The following MAP3K3 variants were observed in gnomAD, a reference collection of about 807,000 sequenced individuals.
MAP3K3 encodes mitogen-activated protein kinase kinase kinase 3.
A neutral mutation model predicts 80.9 loss-of-function variants in MAP3K3; 12 were observed. That is an observed-to-expected ratio of 0.15 (90% confidence interval 0.10 to 0.24). MAP3K3 has a LOEUF of 0.24. Ranked by LOEUF, MAP3K3 falls within the 10% of genes least tolerant of loss-of-function variation. MAP3K3 has a pLI of 1.00. For missense variants in MAP3K3, 596 were observed against 834.7 expected, an observed-to-expected ratio of 0.71 and a Z score of 3.52; for synonymous variants, 272 against 307.1, an observed-to-expected ratio of 0.89 and a Z score of 1.19.
At chr17:63,670,831 G>A (rs766621380) in intron 6 of MAP3K3, among the ~76,000 whole-genome samples, 1 of 152,114 alleles carries the variant, frequency 6.6e-6, no homozygotes, top group African/African-American at 2.4e-5. Context: ...AGAGCTGGGA[G>A]CAAGGGGAAG....
In MAP3K3 at chr17:63,688,547, G is replaced by A. The variant is rs769629755; in HGVS notation, c.731G>A (p.Arg244Gln). 4.0e-5 allele frequency: 64 copies of A among 1,614,000 alleles called. No individual in the cohort carries two copies. The South Asian group carries it at 5.7e-4, about 14-fold the overall frequency. The change falls in exon 9 of 16, where the codon CGA (arginine) becomes CAA (glutamine). Residue 244 changes from arginine (R) to glutamine (Q), a missense_variant. Coordinates refer to ENST00000361733, the MANE Select transcript of MAP3K3 (RefSeq NM_002401.5). ...SADSPSFRKS[R>Q]MSRAQSFPDN... Reference sequence around the variant, plus strand: ...TCCAGCCCATCCTTCCGGAAATCACGAATGTCCCGTGCCCAGAGCTTCCCT... The same window carrying A: ...TCCAGCCCATCCTTCCGGAAATCACAAATGTCCCGTGCCCAGAGCTTCCCT...
intron 2 of MAP3K3, among the ~76,000 whole-genome samples, chr17:63,642,276 G>C (rs536527857): frequency 1.3e-5 from 2 of 152,304 alleles, no homozygotes; most frequent in East Asian, 3.9e-4. Flanking sequence ...GTAGAGCAGT[G>C]CTTAGGTTAT....
intron 2 of MAP3K3, among the ~76,000 whole-genome samples, chr17:63,638,077 A>T (rs565976279): frequency 2.0e-5 from 3 of 152,194 alleles, no homozygotes; most frequent in African/African-American, 7.2e-5. Flanking sequence ...TGTTGATAAG[A>T]TGGGCTGGCC....
intron 6 of MAP3K3, among the ~76,000 whole-genome samples, chr17:63,675,744 C>T (rs112458904): frequency 3.3e-5 from 5 of 152,306 alleles, no homozygotes; most frequent in African/African-American, 1.2e-4. Context: ...ACAGGTGGCG[C>T]AGTGAGGCTA....
chr17:63,667,771 G>T (rs1002558385), intron 6 of MAP3K3, among the ~76,000 whole-genome samples: 10 of 151,878 alleles, frequency 6.6e-5, no homozygotes, highest in African/African-American at 2.2e-4. Flanking sequence ...GTATTTTTTT[G>T]CTATTGTTAT....
chr17:63,644,504 C>T (rs1448021180), intron 2 of MAP3K3, among the ~76,000 whole-genome samples: 1 of 152,214 alleles, frequency 6.6e-6, no homozygotes, highest in Non-Finnish European at 1.5e-5. Context: ...TTGTGAGCCA[C>T]TGTGCCTCTG....
intron 2 of MAP3K3, among the ~76,000 whole-genome samples, chr17:63,641,690 G>C (rs554909850): frequency 6.6e-6 from 1 of 152,180 alleles, no homozygotes; most frequent in Non-Finnish European, 1.5e-5. Context: ...CCTCAGATAC[G>C]TGGCAAGCAG....
At chr17:63,665,635 C>T (rs1423805381) in intron 5 of MAP3K3, among the ~76,000 whole-genome samples, 1 of 152,156 alleles carries the variant, frequency 6.6e-6, no homozygotes, top group African/African-American at 2.4e-5. Flanking sequence ...TATGACCCTC[C>T]CTTGCCCTTC....
intron 6 of MAP3K3, among the ~76,000 whole-genome samples, chr17:63,676,798 C>T (rs548616306): frequency 7.9e-5 from 12 of 152,336 alleles, no homozygotes; most frequent in South Asian, 4.1e-4. Context: ...CTGTCAACAT[C>T]GGCAAAGCTG....
At chr17:63,657,657 A>G in intron 4 of MAP3K3, 137 bp from the exon 5 acceptor site, 2 of 467,426 alleles carry the variant, frequency 4.3e-6, no homozygotes, top group Non-Finnish European at 7.8e-6. Context: ...TAGATCTCTT[A>G]AGACCCCATA....
rs1258177220 is a variant in MAP3K3 at position 63,657,785 on chromosome 17, G to A, written c.268-9G>A. On this transcript the variant is annotated splice_polypyrimidine_tract_variant and intron_variant, in intron 4 of 15. Coordinates refer to ENST00000361733, the MANE Select transcript of MAP3K3 (RefSeq NM_002401.5). ...ATATTATTTTCCTTTTCTATGTCTT[G>A]TATCACAGCTCTCCATCCTGCTGAA... 2.3e-6 allele frequency: 3 copies of A among 1,289,258 alleles called. No individual in the cohort carries two copies. The highest frequency in any genetic ancestry group is 3.4e-6 in the Non-Finnish European group (3 of 892,964). 79.9% of individuals were successfully genotyped at this position (1,289,258 alleles called of 1,614,324 possible). A position where few individuals can be genotyped will look rare whatever the true frequency, so the allele number is the denominator to read the frequency against.
At chr17:63,690,759 T>C (rs1263222808) in intron 12 of MAP3K3, among the ~76,000 whole-genome samples, 1 of 152,196 alleles carries the variant, frequency 6.6e-6, no homozygotes, top group African/African-American at 2.4e-5. Flanking sequence ...CTCCTTCACT[T>C]GGTCCAGCTC....
At chr17:63,665,912 G>A (rs905401190) in intron 5 of MAP3K3, among the ~76,000 whole-genome samples, 9 of 152,150 alleles carry the variant, frequency 5.9e-5, no homozygotes, top group East Asian at 5.8e-4. Context: ...TGTTTAGATC[G>A]GACTTTTTTT....
chr17:63,662,857 G>T (rs549675173), intron 5 of MAP3K3, among the ~76,000 whole-genome samples: 1 of 143,418 alleles, frequency 7.0e-6, no homozygotes, highest in Non-Finnish European at 1.5e-5. Flanking sequence ...GGGGTTGGGC[G>T]GGGGGCGGTC....
chr17:63,642,918 C>T (rs1480690197), intron 2 of MAP3K3, among the ~76,000 whole-genome samples: 1 of 151,562 alleles, frequency 6.6e-6, no homozygotes, highest in Non-Finnish European at 1.5e-5. Context: ...CCACCACAAC[C>T]AGCTAATTTT....
intron 5 of MAP3K3, among the ~76,000 whole-genome samples, chr17:63,659,525 C>CTTTTTTTT (rs57166616): frequency 4.6e-5 from 3 of 64,588 alleles, no homozygotes; most frequent in Admixed American, 2.0e-4. Context: ...CTGTCATGGA[C>CTTTTTTTT]TTTTTTTTTT....
At chr17:63,670,634 A>ATAAC (rs2035089000) in intron 6 of MAP3K3, among the ~76,000 whole-genome samples, 1 of 151,514 alleles carries the variant, frequency 6.6e-6, no homozygotes, top group South Asian at 2.1e-4. Context: ...ATGGTGGGCT[A>ATAAC]TAACTAAGGG....
intron 12 of MAP3K3, 112 bp from the exon 13 acceptor site, chr17:63,690,990 C>A: frequency 7.7e-7 from 1 of 1,291,960 alleles, no homozygotes; most frequent in Non-Finnish European, 1.1e-6. Flanking sequence ...TCTCCAACTG[C>A]AGTTCCCAAG....
At chr17:63,650,309 T>C (rs1455382205) in intron 3 of MAP3K3, among the ~76,000 whole-genome samples, 6 of 152,202 alleles carry the variant, frequency 3.9e-5, no homozygotes. Context: ...TTTATTTATT[T>C]ATTTTTTTGA....
Sources: gnomAD v4.1 joint callset for allele counts (sites outside exome capture counted in the v4.1 genomes callset) on GRCh38, gnomAD v4.1.1 for gene constraint, MANE v1.5 for transcripts, NCBI Gene and HGNC (gene_info 2026-07-23, HGNC 2026-07-21) for gene names.